The following PVT1 variants were observed in gnomAD, a reference collection of about 807,000 sequenced individuals.
PVT1 encodes the protein Pvt1 oncogene, also known as CXCR4/PVT1 fusion.
At chr8:127,933,329 C>T (rs914340454) in intron 3 of PVT1, among the ~76,000 whole-genome samples, 2 of 152,202 alleles carry the variant, frequency 1.3e-5, no homozygotes, top group Non-Finnish European at 2.9e-5. Flanking sequence ...CCTGCCTTGG[C>T]CTCCCAAAGT....
intron 3 of PVT1, among the ~76,000 whole-genome samples, chr8:127,891,387 G>C (rs1444968741): frequency 6.6e-6 from 1 of 152,210 alleles, no homozygotes; most frequent in East Asian, 1.9e-4. Flanking sequence ...TGCATGGGGG[G>C]ATAATTTCTT....
intron 2 of PVT1, among the ~76,000 whole-genome samples, chr8:127,800,655 A>G (rs1328182113): frequency 6.6e-6 from 1 of 151,956 alleles, no homozygotes. Context: ...CTAGTATACC[A>G]TATGTCTCTC....
chr8:127,877,371 G>C (rs1417427705), intron 2 of PVT1, among the ~76,000 whole-genome samples: 1 of 152,224 alleles, frequency 6.6e-6, no homozygotes, highest in East Asian at 1.9e-4. Flanking sequence ...TGGGGATTAA[G>C]TGGGAAATTA....
Position 127,980,787 on chromosome 8 carries a change from G to A in PVT1, n.783-8375G>A, listed in dbSNP as rs530835451. ...CCTCTGTGAGTCACCAAAAACTACAGCTTCTTTTTTTTTTTTTTTTTTTTG... is the reference window on the plus strand; with the variant it reads ...CCTCTGTGAGTCACCAAAAACTACAACTTCTTTTTTTTTTTTTTTTTTTTG... On this transcript the variant is annotated intron_variant and non_coding_transcript_variant, in intron 3 of 10. Coordinates refer to ENST00000651587, the Ensembl canonical transcript of PVT1. Among the ~76,000 whole-genome samples, 3 of 137,176 alleles carry A rather than the reference G, an allele frequency of 2.2e-5. No individual in the cohort carries two copies. The East Asian group carries it at 6.8e-4, about 31-fold the overall frequency. The allele number at this position is 137,176 out of a possible 152,430, so 90.0% of individuals were successfully genotyped here. A position where few individuals can be genotyped will look rare whatever the true frequency, so the allele number is the denominator to read the frequency against.
At chr8:127,987,335 A>G (rs566801166) in intron 3 of PVT1, among the ~76,000 whole-genome samples, 18 of 152,312 alleles carry the variant, frequency 1.2e-4, no homozygotes, top group African/African-American at 4.3e-4. Flanking sequence ...GGAGGGTTAC[A>G]GCCAGGCCTG....
At chr8:128,093,528 G>A (rs1814387398) in intron 5 of PVT1, among the ~76,000 whole-genome samples, 2 of 152,080 alleles carry the variant, frequency 1.3e-5, no homozygotes, top group African/African-American at 4.8e-5. Context: ...TTGCCCTCCA[G>A]CCTGGGGGAC....
At chr8:128,027,827 A>T (rs542491248) in intron 4 of PVT1, among the ~76,000 whole-genome samples, 10 of 152,274 alleles carry the variant, frequency 6.6e-5, no homozygotes, top group African/African-American at 2.4e-4. Flanking sequence ...CAGATGCTGC[A>T]CCTAATCCCT....
intron 3 of PVT1, among the ~76,000 whole-genome samples, chr8:127,939,222 A>G (rs1816314669): frequency 6.6e-6 from 1 of 152,156 alleles, no homozygotes; most frequent in Non-Finnish European, 1.5e-5. Context: ...GGCTCCATGT[A>G]CAAAGGTGGG....
chr8:127,922,538 G>C (rs1816074542), intron 3 of PVT1, among the ~76,000 whole-genome samples: 1 of 152,098 alleles, frequency 6.6e-6, no homozygotes, highest in East Asian at 1.9e-4. Context: ...ACTCTTCTTT[G>C]CCTTGACTGC....
At chr8:128,063,172 A>T (rs1286534670) in intron 4 of PVT1, among the ~76,000 whole-genome samples, 1 of 152,108 alleles carries the variant, frequency 6.6e-6, no homozygotes, top group Admixed American at 6.6e-5. Flanking sequence ...GTACAGTTTG[A>T]TGACTTCTTA....
chr8:127,816,549 C>T (rs1432614763), intron 2 of PVT1, among the ~76,000 whole-genome samples: 27 of 149,726 alleles, frequency 1.8e-4, no homozygotes, highest in Admixed American at 3.3e-4. Flanking sequence ...TGGTGTTTCG[C>T]TCTTGTCACC....
At chr8:127,981,619 T>A (rs1816884168) in intron 3 of PVT1, among the ~76,000 whole-genome samples, 1 of 152,206 alleles carries the variant, frequency 6.6e-6, no homozygotes, top group Admixed American at 6.5e-5. Flanking sequence ...AGTGGGAGGA[T>A]GTTTTTGAGG....
chr8:127,867,204 C>T (rs1454480832), intron 2 of PVT1, among the ~76,000 whole-genome samples: 1 of 152,218 alleles, frequency 6.6e-6, no homozygotes, highest in Non-Finnish European at 1.5e-5. Context: ...TGTTTGGCCT[C>T]AGCCAAGGTC....
chr8:128,043,664 T>G (rs1276061689), intron 4 of PVT1, among the ~76,000 whole-genome samples: 1 of 152,110 alleles, frequency 6.6e-6, no homozygotes, highest in Non-Finnish European at 1.5e-5. Context: ...AACATCTTAA[T>G]TTTTTCAGTC....
At chr8:128,073,258 C>T (rs559022029) in intron 5 of PVT1, among the ~76,000 whole-genome samples, 18 of 152,272 alleles carry the variant, frequency 1.2e-4, no homozygotes, top group Non-Finnish European at 2.4e-4. Flanking sequence ...GTCTAGATTT[C>T]CTTGGGAGCA....
At chr8:127,823,657 T>A (rs1176180438) in intron 2 of PVT1, among the ~76,000 whole-genome samples, 1 of 152,130 alleles carries the variant, frequency 6.6e-6, no homozygotes, top group Non-Finnish European at 1.5e-5. Flanking sequence ...TGCCCCCTCT[T>A]GCCACTTGTA....
intron 3 of PVT1, among the ~76,000 whole-genome samples, chr8:127,935,185 C>T (rs1173151437): frequency 3.3e-5 from 5 of 152,110 alleles, no homozygotes; most frequent in African/African-American, 7.2e-5. Flanking sequence ...AGGCTGGTCT[C>T]GAGCTCCGGA....
chr8:127,813,066 A>G lies in PVT1; in HGVS notation n.372+16995A>G, dbSNP rs555724947. Among the ~76,000 whole-genome samples, 3 of 151,244 alleles carry G rather than the reference A, an allele frequency of 2.0e-5. No homozygotes were observed. The South Asian group carries it at 6.2e-4, about 31-fold the overall frequency. ...TAGCGATATTAAAATGGCATTATAT[A>G]GATATTAAGCCCTGACTTCGTGCCG... On this transcript the variant is annotated intron_variant and non_coding_transcript_variant, in intron 2 of 10. Coordinates refer to ENST00000651587, the Ensembl canonical transcript of PVT1.
intron 5 of PVT1, among the ~76,000 whole-genome samples, chr8:128,089,779 T>A (rs947140516): frequency 8.5e-5 from 13 of 152,238 alleles, no homozygotes; most frequent in Admixed American, 5.9e-4. Flanking sequence ...CCAGGAGGAT[T>A]TCCACAGGGA....
Sources: gnomAD v4.1 joint callset for allele counts (sites outside exome capture counted in the v4.1 genomes callset) on GRCh38, gnomAD v4.1.1 for gene constraint, MANE v1.5 for transcripts, NCBI Gene and HGNC (gene_info 2026-07-23, HGNC 2026-07-21) for gene names.